Variants in CUX1 observed in about 807,000 individuals in gnomAD.
The protein encoded by CUX1 is cut like homeobox 1.
In CUX1, 31 loss-of-function variants were observed where a neutral mutation model predicts 158.8. The observed-to-expected ratio is 0.20, with a 90% CI of 0.15 to 0.26. CUX1 has a LOEUF of 0.26. Among genes scored for constraint, CUX1 ranks in the 10% least tolerant of loss-of-function variants. The pLI is 1.00. For missense variants in CUX1, 1,589 were observed against 2,014.6 expected, an observed-to-expected ratio of 0.79 and a Z score of 4.04; for synonymous variants, 879 against 862.1, an observed-to-expected ratio of 1.02 and a Z score of -0.34.
chr7:102,042,149 G>A (rs1310316876), intron 3 of CUX1, among the ~76,000 whole-genome samples: 1 of 152,100 alleles, frequency 6.6e-6, no homozygotes, highest in African/African-American at 2.4e-5. Flanking sequence ...GGTGAAATAG[G>A]ATTAGAGAAG....
intron 2 of CUX1, among the ~76,000 whole-genome samples, chr7:101,970,425 G>C (rs1242263629): frequency 6.6e-6 from 1 of 152,126 alleles, no homozygotes; most frequent in East Asian, 1.9e-4. Flanking sequence ...TCTGATACAG[G>C]CTTCATGTGG....
In CUX1 at chr7:102,248,934, C is replaced by G; in HGVS notation, c.4410C>G (p.Asp1470Glu). 6.8e-7 allele frequency: 1 copy of G among 1,478,488 alleles called. No homozygotes were observed. Among genetic ancestry groups the G allele is most frequent in the Non-Finnish European group, 9.0e-7 (1 of 1,110,076 alleles). The allele number at this position is 1,478,488 out of a possible 1,614,324, so 91.6% of individuals were successfully genotyped here. Residue 1470 changes from aspartate (D) to glutamate (E), a missense_variant, in exon 24 of 24, where the codon GAC (aspartate) becomes GAG (glutamate). Transcript: ENST00000292535. The surrounding 1 kb of genome is among the most constrained non-coding windows in gnomAD (Gnocchi z 5.8). ...FGLPEAAGAR[D>E]SRDNPLRKKK... ...TCCCCGAGGCCGCGGGCGCCCGGGA[C>G]TCGCGCGACAACCCCCTGCGCAAGA...
intron 8 of CUX1, among the ~76,000 whole-genome samples, chr7:102,157,625 C>A (rs782745365): frequency 5.9e-5 from 9 of 152,054 alleles, no homozygotes; most frequent in Non-Finnish European, 1.2e-4. Context: ...ACTAAAAATA[C>A]AAAAATTAGC....
intron 2 of CUX1, among the ~76,000 whole-genome samples, chr7:101,971,398 A>T (rs1376524290): frequency 6.6e-6 from 1 of 152,224 alleles, no homozygotes; most frequent in East Asian, 1.9e-4. Context: ...CTGTAATCCC[A>T]GCACTTTGGG....
intron 2 of CUX1, among the ~76,000 whole-genome samples, chr7:101,984,799 A>T (rs1814066411): frequency 6.6e-6 from 1 of 152,358 alleles, no homozygotes; most frequent in African/African-American, 2.4e-5. Context: ...CGCAAGAAGA[A>T]ATATATGAAT....
chr7:101,871,938 A>G (rs938552456), intron 1 of CUX1, among the ~76,000 whole-genome samples: 1 of 151,546 alleles, frequency 6.6e-6, no homozygotes, highest in Non-Finnish European at 1.5e-5. Context: ...GAATCGCTTG[A>G]ACCCCGGAAG....
chr7:102,248,961 G>T lies in CUX1; in HGVS notation c.4437G>T (p.Lys1479Asn). ...CGCGCGACAACCCCCTGCGCAAGAA[G>T]AAGGCCGCGAACTTGAACAGCATCA... ...RDSRDNPLRK[K>N]KAANLNSIIH... Residue 1479 changes from lysine to asparagine, a missense_variant, in exon 24 of 24, where the codon AAG (lysine) becomes AAT (asparagine). Physicochemically the swap from Lys to Asn is moderately conservative, Grantham distance 94 (BLOSUM62 0). This residue lies in a region of CUX1 where 344 missense variants were observed against 323.7 expected (regional missense o/e 1.06). Transcript: ENST00000292535. This position sits in a 1 kb window ranked among gnomAD's most constrained non-coding sequence, Gnocchi z 5.8. 1 of 1,483,340 alleles carries T rather than the reference G, an allele frequency of 6.7e-7. No individual in the cohort carries two copies. The allele number at this position is 1,483,340 out of a possible 1,614,324, so 91.9% of individuals were successfully genotyped here.
rs1790072530 is a variant in CUX1, at chr7:102,257,888, A to G, written c.*8846A>G. ...GACCAAAAAAGAAAAAAGGAAAAAA[A>G]AAAAGTCGTCTTTTTTTTTTTTTTT... On this transcript the variant is annotated 3_prime_UTR_variant, in exon 24 of 24. Coordinates refer to ENST00000292535, the MANE Select transcript of CUX1 (RefSeq NM_181552.4). 2.7e-5 allele frequency: 27 copies of G among 984,292 alleles called. No individual in the cohort carries two copies. Among genetic ancestry groups the G allele is most frequent in the Non-Finnish European group, 3.3e-5 (27 of 829,616 alleles). The allele number at this position is 984,292 out of a possible 1,614,324, so 61.0% of individuals were successfully genotyped here.
chr7:101,842,381 A>T (rs1242071385), intron 1 of CUX1, among the ~76,000 whole-genome samples: 3 of 152,150 alleles, frequency 2.0e-5, no homozygotes, highest in African/African-American at 7.2e-5. Context: ...TTCTTCCCAT[A>T]GTTTTTTTTC....
At chr7:101,939,087 ATATATATATATATATATATATATATATG>A (rs1807357721) in intron 2 of CUX1, among the ~76,000 whole-genome samples, 1 of 87,998 alleles carries the variant, frequency 1.1e-5, no homozygotes, top group African/African-American at 4.4e-5. Flanking sequence ...ATATATATAT[ATATATATATATATATATATATATATATG>A]ATGGTTCCAC....
chr7:102,174,223 A>T (rs576840561), intron 10 of CUX1, among the ~76,000 whole-genome samples: 5 of 152,142 alleles, frequency 3.3e-5, no homozygotes, highest in African/African-American at 1.2e-4. Context: ...GGTTTAACCA[A>T]TTCTCCTGTC....
chr7:101,816,958 G>A (rs989692424), upstream of CUX1: 1 of 983,170 alleles, frequency 1.0e-6, no homozygotes, highest in African/African-American at 1.8e-5. Context: ...GCGCCCCGGG[G>A]CCACCCGCGC....
intron 2 of CUX1, among the ~76,000 whole-genome samples, chr7:101,972,566 A>G (rs1252023649): frequency 1.3e-5 from 2 of 152,134 alleles, no homozygotes; most frequent in African/African-American, 4.8e-5. Context: ...TGACCACTGG[A>G]CACATCTGCC....
In CUX1 at chr7:102,249,241, G is replaced by T. The variant is rs1412484487; in HGVS notation, c.*199G>T. ...ACCCGAGGCCCAGATCCAAGGCCGC[G>T]GCCCAGACCCACTCTGCGGCCCGGG... On this transcript the variant is annotated 3_prime_UTR_variant, in exon 24 of 24. Coordinates refer to ENST00000292535, the MANE Select transcript of CUX1 (RefSeq NM_181552.4). 1 of 1,086,144 alleles carries T rather than the reference G, an allele frequency of 9.2e-7. No individual in the cohort carries two copies. The highest frequency in any genetic ancestry group is 1.7e-5 in the African/African-American group (1 of 59,288). 67.3% of individuals were successfully genotyped at this position (1,086,144 alleles called of 1,614,324 possible).
rs535317188 is a variant in CUX1, at chr7:102,253,366, C to G, written c.*4324C>G. On this transcript the variant is annotated 3_prime_UTR_variant, in exon 24 of 24. Transcript: ENST00000292535. The stretch of plus-strand genomic sequence containing the variant: ...GCAAAGAGATCGCTGTGGGCCTCGG[C>G]TGACTACTTTAAGATTATGCCACAG... 1.0e-6 allele frequency: 1 copy of G among 985,458 alleles called. No individual in the cohort carries two copies. The highest frequency in any genetic ancestry group is 4.7e-5 in the South Asian group (1 of 21,292). The allele number at this position is 985,458 out of a possible 1,614,324, so 61.0% of individuals were successfully genotyped here. A position where few individuals can be genotyped will look rare whatever the true frequency, so the allele number is the denominator to read the frequency against.
At position 102,104,196 on chromosome 7, in the gene CUX1, T is replaced by C. The variant is rs1176741344; in HGVS notation, c.407-140T>C. ...AGTAAAAGGTCTCTGAAGGGACTCA[T>C]AACCATTGATTTTGTGTCAGAGTTG... On this transcript the variant is annotated intron_variant, in intron 5 of 23. Coordinates refer to ENST00000292535, the MANE Select transcript of CUX1 (RefSeq NM_181552.4). 3 of 768,964 alleles carry C rather than the reference T, an allele frequency of 3.9e-6. No homozygotes were observed. In the African/African-American group the frequency reaches 5.3e-5, roughly 13 times the overall value. The allele number at this position is 768,964 out of a possible 1,614,324, so 47.6% of individuals were successfully genotyped here.
intron 1 of CUX1, among the ~76,000 whole-genome samples, chr7:101,828,739 G>T (rs1487394292): frequency 6.6e-6 from 1 of 152,160 alleles, no homozygotes; most frequent in African/African-American, 2.4e-5. Context: ...AACTACCTAG[G>T]ATATTTTTGT....
intron 17 of CUX1, chr7:102,277,934 C>CATTG: frequency 3.5e-6 from 3 of 846,848 alleles, no homozygotes; most frequent in Non-Finnish European, 5.2e-6. Flanking sequence ...CCTTTCCTTG[C>CATTG]CCCTCCCCCC....
chr7:101,932,957 G>A (rs1166981645), intron 2 of CUX1, among the ~76,000 whole-genome samples: 5 of 152,168 alleles, frequency 3.3e-5, no homozygotes, highest in Non-Finnish European at 5.9e-5. Flanking sequence ...CGTGAGACAC[G>A]CTTTTCATTC....
Sources: allele counts gnomAD v4.1 joint callset (sites outside exome capture counted in the v4.1 genomes callset), GRCh38; gene constraint gnomAD v4.1.1; regional missense constraint gnomAD v4.1.1; non-coding constraint Gnocchi (gnomAD v3.1); transcripts MANE v1.5; gene names NCBI Gene and HGNC (gene_info 2026-07-23, HGNC 2026-07-21).